The following STAM variants were observed in gnomAD, a reference collection of about 807,000 sequenced individuals.
STAM encodes signal transducing adaptor molecule, also known as signal transducing adapter molecule 1.
In STAM, 16 loss-of-function variants were observed where a neutral mutation model predicts 63.4. The ratio of observed to expected loss-of-function variants is 0.25; its 90% CI spans 0.17 to 0.38. The LOEUF (loss-of-function observed/expected upper bound fraction) is 0.38. Among genes scored for constraint, STAM ranks in the 10% least tolerant of loss-of-function variants. STAM has a pLI of 1.00. For synonymous variants in STAM, 238 were observed against 223.9 expected (o/e 1.06, Z -0.56); for missense variants, 636 against 657.1 (o/e 0.97, Z 0.35).
chr10:17,678,336 C>T (rs920578985), intron 2 of STAM, among the ~76,000 whole-genome samples: 4 of 151,766 alleles, frequency 2.6e-5, no homozygotes, highest in African/African-American at 9.7e-5. Context: ...TTCACTGTAA[C>T]CTGCACCTCC....
chr10:17,658,684 G>A (rs965991058), intron 1 of STAM, among the ~76,000 whole-genome samples: 3 of 151,960 alleles, frequency 2.0e-5, no homozygotes, highest in South Asian at 2.1e-4. Flanking sequence ...GAGAGGTTTC[G>A]TCATGTTGCC....
rs1554827002 is a variant in STAM at position 17,693,249 on chromosome 10, G to C, written c.472G>C (p.Ala158Pro). 6.2e-7 allele frequency: 1 copy of C among 1,613,546 alleles called. No homozygotes were observed. Among genetic ancestry groups the C allele is most frequent in the African/African-American group, 1.3e-5 (1 of 74,908 alleles). The change falls in exon 6 of 14, where the codon GCT (alanine) becomes CCT (proline). Residue 158 changes from alanine to proline, a missense_variant. Physicochemically the swap from Ala to Pro is conservative, Grantham distance 27. Around this residue, in one of 3 missense-constraint regions of STAM, gnomAD observed 532 missense variants for 536.9 expected, o/e 0.99. Transcript: ENST00000377524. ...QAAEQAKASP[A>P]LVAKDPGTVA... is the part of the protein sequence containing the mutation. ...TGCAGAACAAGCAAAAGCAAGCCCA[G>C]CTCTTGTAGCCAAGGATCCTGGTAC... is the stretch of plus-strand genomic sequence containing the variant.
chr10:17,703,594 C>CA, intron 9 of STAM, among the ~76,000 whole-genome samples: 1 of 152,086 alleles, frequency 6.6e-6, no homozygotes, highest in East Asian at 1.9e-4. Flanking sequence ...AACATAAATA[C>CA]ATATATACTT....
At chr10:17,701,287 T>G (rs1835983586) in intron 9 of STAM, among the ~76,000 whole-genome samples, 1 of 152,140 alleles carries the variant, frequency 6.6e-6, no homozygotes, top group African/African-American at 2.4e-5. Context: ...AAAAAGTATG[T>G]TTGTGGTTGT....
intron 9 of STAM, among the ~76,000 whole-genome samples, chr10:17,702,733 G>C (rs1220536218): frequency 6.6e-6 from 1 of 152,202 alleles, no homozygotes; most frequent in Non-Finnish European, 1.5e-5. Context: ...ATGCTGGCCA[G>C]GCGCAGTGGC....
intron 2 of STAM, among the ~76,000 whole-genome samples, chr10:17,684,404 A>G (rs1835210147): frequency 6.6e-6 from 1 of 150,528 alleles, no homozygotes; most frequent in Non-Finnish European, 1.5e-5. Context: ...GTCATGGCCT[A>G]CCATTTTATT....
chr10:17,667,974 G>A (rs1554823643), intron 2 of STAM, among the ~76,000 whole-genome samples: 1 of 152,156 alleles, frequency 6.6e-6, no homozygotes, highest in Admixed American at 6.5e-5. Flanking sequence ...ATGGTTGGAA[G>A]GTAGGATCCT....
chr10:17,667,790 G>C (rs541931186), intron 2 of STAM, among the ~76,000 whole-genome samples: 6 of 152,334 alleles, frequency 3.9e-5, no homozygotes, highest in African/African-American at 1.4e-4. Context: ...AGAGTTCAAA[G>C]CACTGCATCC....
chr10:17,691,467 A>G (rs543579537), intron 5 of STAM, among the ~76,000 whole-genome samples: 3 of 152,324 alleles, frequency 2.0e-5, no homozygotes, highest in Admixed American at 6.5e-5. Context: ...GCAGTGAGCC[A>G]AGATCTCGCC....
intron 6 of STAM, among the ~76,000 whole-genome samples, chr10:17,693,952 G>A (rs1835651409): frequency 6.6e-6 from 1 of 152,106 alleles, no homozygotes; most frequent in African/African-American, 2.4e-5. Flanking sequence ...ACAACACTTG[G>A]TAGTCTTAAA....
intron 1 of STAM, among the ~76,000 whole-genome samples, chr10:17,658,859 G>A (rs4747319): frequency 0.12 from 18,074 of 152,156 alleles, 1,191 homozygotes; most frequent in African/African-American, 0.16. Context: ...ATACAGTTGT[G>A]TGTTGTTTTT....
intron 2 of STAM, among the ~76,000 whole-genome samples, chr10:17,683,532 T>TC (rs1467696751): frequency 1.3e-5 from 2 of 152,164 alleles, no homozygotes; most frequent in East Asian, 3.8e-4. Flanking sequence ...TCATTTTTTT[T>TC]CTCTCTGTAC....
At chr10:17,690,292 G>A (rs1480330887) in intron 5 of STAM, among the ~76,000 whole-genome samples, 1 of 152,188 alleles carries the variant, frequency 6.6e-6, no homozygotes, top group Non-Finnish European at 1.5e-5. Flanking sequence ...GCTGGCAAGA[G>A]CATTATGTCT....
At chr10:17,663,416 G>T (rs1367157401) in intron 2 of STAM, among the ~76,000 whole-genome samples, 1 of 151,880 alleles carries the variant, frequency 6.6e-6, no homozygotes, top group Admixed American at 6.6e-5. Context: ...TGAATTGTCA[G>T]TTGGGGATTT....
chr10:17,645,549 C>T (rs1377137394), intron 1 of STAM, among the ~76,000 whole-genome samples: 2 of 152,024 alleles, frequency 1.3e-5, no homozygotes, highest in Non-Finnish European at 2.9e-5. Context: ...CACATCATTC[C>T]ATTCTGCAGT....
chr10:17,697,861 C>T (rs782456550), intron 8 of STAM, among the ~76,000 whole-genome samples: 4 of 151,924 alleles, frequency 2.6e-5, no homozygotes, highest in Non-Finnish European at 5.9e-5. Flanking sequence ...TTTTTTAATG[C>T]TAGATAGAAG....
At chr10:17,650,575 C>G (rs1833696879) in intron 1 of STAM, among the ~76,000 whole-genome samples, 1 of 152,094 alleles carries the variant, frequency 6.6e-6, no homozygotes, top group African/African-American at 2.4e-5. Flanking sequence ...ACAAATGTAT[C>G]CTGTCTACCC....
chr10:17,676,304 G>A (rs61842302), intron 2 of STAM, among the ~76,000 whole-genome samples: 15,134 of 152,228 alleles, frequency 0.099, 805 homozygotes, highest in Middle Eastern at 0.16. Flanking sequence ...AGTGGGTATA[G>A]GGAGGATGTG....
rs572293917 is a variant in STAM at position 17,697,452 on chromosome 10, A to G, written c.823+583A>G. On this transcript the variant is annotated intron_variant, in intron 8 of 13. Transcript: ENST00000377524. ...AGCAGTGTTCTCCAAGCAACATGTC[A>G]GATATTCAGAAGGAGCCATTTTTAC... Among the ~76,000 whole-genome samples, 8 of 152,344 alleles carry G rather than the reference A, an allele frequency of 5.3e-5. No individual in the cohort carries two copies. In the South Asian group the frequency reaches 1.7e-3, roughly 32 times the overall value.
Sources: allele counts gnomAD v4.1 joint callset (sites outside exome capture counted in the v4.1 genomes callset), GRCh38; gene constraint gnomAD v4.1.1; regional missense constraint gnomAD v4.1.1; transcripts MANE v1.5; gene names NCBI Gene and HGNC (gene_info 2026-07-23, HGNC 2026-07-21).